Variants in LY9 observed in about 807,000 individuals in gnomAD.
LY9 encodes the protein lymphocyte antigen 9.
In LY9, 59 loss-of-function variants were observed where a neutral mutation model predicts 64.6. The observed-to-expected ratio is 0.91, with a 90% CI of 0.74 to 1.13. The LOEUF is 1.13. Ranked by LOEUF, LY9 falls within the 50% of genes most tolerant of loss-of-function variation. The pLI, the probability that LY9 is intolerant of heterozygous loss-of-function variation, is 0.00. For missense variants in LY9, 789 were observed against 797.2 expected (o/e 0.99, Z 0.12); for synonymous variants, 281 against 308.5 (o/e 0.91, Z 0.93).
chr1:160,823,850 T>G, intron 8 of LY9, 54 bp downstream of exon 8: 1 of 1,414,610 alleles, frequency 7.1e-7, no homozygotes, highest in Non-Finnish European at 9.8e-7. Flanking sequence ...TAGCGGCATC[T>G]GAGATCCTGG....
intron 2 of LY9, among the ~76,000 whole-genome samples, chr1:160,803,791 T>G (rs1666725695): frequency 6.6e-6 from 1 of 152,172 alleles, no homozygotes; most frequent in East Asian, 1.9e-4. Flanking sequence ...GTGGATTGCT[T>G]GAGCTCGGAA....
chr1:160,817,992 C>A (rs868418615), intron 5 of LY9, among the ~76,000 whole-genome samples: 10 of 152,196 alleles, frequency 6.6e-5, no homozygotes, highest in Non-Finnish European at 1.5e-5. Context: ...ACTGGGCAAG[C>A]CGTAAACCTC....
chr1:160,802,238 G>C, intron 2 of LY9: 6 of 1,070,608 alleles, frequency 5.6e-6, no homozygotes, highest in Non-Finnish European at 6.8e-6. Context: ...TTGCATTGCT[G>C]GTAGAGACTC....
intron 2 of LY9, among the ~76,000 whole-genome samples, chr1:160,809,513 C>T (rs1667299915): frequency 6.6e-6 from 1 of 151,804 alleles, no homozygotes; most frequent in Non-Finnish European, 1.5e-5. Flanking sequence ...CTTTAAAATC[C>T]TCAATTTTTA....
chr1:160,802,389 A>C, intron 2 of LY9: 1 of 987,704 alleles, frequency 1.0e-6, no homozygotes. Context: ...GGCCTGGCTC[A>C]GCCCACTGCG....
At chr1:160,827,681 T>G in intron 9 of LY9, 67 bp from the exon 10 acceptor site, 2 of 1,298,718 alleles carry the variant, frequency 1.5e-6, no homozygotes. Flanking sequence ...CTTGCCTTCC[T>G]CTTTCATCAG....
At position 160,821,179 on chromosome 1, in the gene LY9, C is replaced by T. The variant is rs192957170; in HGVS notation, c.1498+1805C>T. On this transcript the variant is annotated intron_variant, in intron 7 of 9. Coordinates refer to ENST00000263285, the MANE Select transcript of LY9 (RefSeq NM_002348.4). ...AAAAAAAAAAAAAAAACCATATATT[C>T]ACATGGCATACAGTTAAAAGTAGTT... Among the ~76,000 whole-genome samples, 323 of 99,158 alleles carry T rather than the reference C, an allele frequency of 3.3e-3. 2 individuals are homozygous for T. The highest frequency in any genetic ancestry group is 0.012 in the African/African-American group (300 of 26,012). The allele number at this position is 99,158 out of a possible 152,430, so 65.1% of individuals were successfully genotyped here.
At chr1:160,825,961 G>A (rs960876798) in intron 9 of LY9, among the ~76,000 whole-genome samples, 2 of 151,270 alleles carry the variant, frequency 1.3e-5, no homozygotes, top group South Asian at 4.2e-4. Context: ...AGGGGTTTAG[G>A]AGTGCCAACC....
intron 2 of LY9, among the ~76,000 whole-genome samples, chr1:160,805,389 T>A (rs1229024790): frequency 1.3e-5 from 2 of 152,144 alleles, no homozygotes; most frequent in East Asian, 3.8e-4. Flanking sequence ...TTAATTTCCA[T>A]GTATTTGTAT....
intron 2 of LY9, among the ~76,000 whole-genome samples, chr1:160,805,691 A>C (rs1241101271): frequency 6.6e-6 from 1 of 150,944 alleles, no homozygotes; most frequent in East Asian, 2.0e-4. Context: ...CTGAGAGTGG[A>C]GTGCTGAAGT....
intron 2 of LY9, among the ~76,000 whole-genome samples, chr1:160,806,102 G>C (rs1271942738): frequency 6.6e-6 from 1 of 151,690 alleles, no homozygotes; most frequent in Non-Finnish European, 1.5e-5. Flanking sequence ...ACATATAGAT[G>C]GATCATGTTT....
intron 2 of LY9, 77 bp from the exon 3 acceptor site, chr1:160,813,559 T>C: frequency 1.4e-6 from 2 of 1,465,242 alleles, no homozygotes; most frequent in Non-Finnish European, 1.9e-6. Context: ...ACTCCCCTAT[T>C]GTCACTCCCT....
chr1:160,799,632 G>A, intron 1 of LY9, 121 bp from the exon 2 acceptor site: 1 of 669,210 alleles, frequency 1.5e-6, no homozygotes, highest in Non-Finnish European at 2.6e-6. Context: ...AGGAGGACAA[G>A]AATCTCATTT....
rs768422828 is a variant in LY9 at position 160,816,551 on chromosome 1, G to C, written c.1073-43G>C. On this transcript the variant is annotated intron_variant, in intron 4 of 9. Transcript: ENST00000263285. ...GAATGAAGACAGGTGACTGCTCAGG[G>C]GGCAGGCCTGATTCCACATGGAGTC... 1.6e-5 allele frequency: 25 copies of C among 1,542,360 alleles called. No homozygotes were observed. The South Asian group carries it at 2.7e-4, about 17-fold the overall frequency.
chr1:160,825,608 A>C (rs1325120493), intron 9 of LY9, among the ~76,000 whole-genome samples: 3 of 152,144 alleles, frequency 2.0e-5, no homozygotes, highest in African/African-American at 4.8e-5. Context: ...ATTCAAAAAA[A>C]TATTTTTTAA....
chr1:160,807,508 C>T (rs760126294), intron 2 of LY9, among the ~76,000 whole-genome samples: 1 of 152,154 alleles, frequency 6.6e-6, no homozygotes, highest in African/African-American at 2.4e-5. Context: ...TGTGTTTATG[C>T]TTATCAGCAG....
intron 4 of LY9, 179 bp downstream of exon 4, chr1:160,814,940 T>A (rs950625650): frequency 1.3e-5 from 8 of 615,628 alleles, no homozygotes; most frequent in Non-Finnish European, 2.0e-5. Flanking sequence ...CATGACTAGC[T>A]GCTGGACAAG....
chr1:160,822,627 A>G (rs1012631442), intron 7 of LY9, among the ~76,000 whole-genome samples: 2 of 152,180 alleles, frequency 1.3e-5, no homozygotes, highest in Non-Finnish European at 2.9e-5. Flanking sequence ...CCATATCCTT[A>G]CTATCTGCCT....
intron 2 of LY9, among the ~76,000 whole-genome samples, chr1:160,805,757 A>T (rs977634089): frequency 4.9e-5 from 7 of 141,420 alleles, no homozygotes; most frequent in East Asian, 2.2e-4. Flanking sequence ...ACACACACAC[A>T]CACACACACA....
Sources: gnomAD v4.1 joint callset for allele counts (sites outside exome capture counted in the v4.1 genomes callset) on GRCh38, gnomAD v4.1.1 for gene constraint, MANE v1.5 for transcripts, NCBI Gene and HGNC (gene_info 2026-07-23, HGNC 2026-07-21) for gene names.